CLDN1: variants seen among roughly 807,000 people sequenced by gnomAD.
The protein encoded by CLDN1 is claudin 1.
A neutral mutation model predicts 22.6 loss-of-function variants in CLDN1; 12 were observed. The ratio of observed to expected loss-of-function variants is 0.53; its 90% CI spans 0.34 to 0.86. The LOEUF (loss-of-function observed/expected upper bound fraction) is 0.86, where lower values mean the gene tolerates loss of function less well. CLDN1 is among the 40% of genes least tolerant of loss of function. The pLI is 0.02. For synonymous variants in CLDN1, 99 were observed against 103.8 expected, an observed-to-expected ratio of 0.95 and a Z score of 0.28; for missense variants, 250 against 269.5, an observed-to-expected ratio of 0.93 and a Z score of 0.51.
chr3:190,318,280 C>G (rs1347379986), intron 1 of CLDN1, among the ~76,000 whole-genome samples: 1 of 152,166 alleles, frequency 6.6e-6, no homozygotes, highest in Non-Finnish European at 1.5e-5. Context: ...GAAATTTTCT[C>G]AGAATTAAGT....
At chr3:190,313,262 T>C (rs1716675810) in intron 1 of CLDN1, 1 of 538,788 alleles carries the variant, frequency 1.9e-6, no homozygotes, top group Non-Finnish European at 3.3e-6. Context: ...TCCACTCCAA[T>C]ATTTTATGTT....
chr3:190,320,065 A>AGT lies in CLDN1; in HGVS notation c.223+1917_223+1918dup, dbSNP rs200480604. 3.5e-3 allele frequency among the ~76,000 whole-genome samples: 519 copies of AGT among 148,266 alleles called. 4 individuals carry two copies. Among genetic ancestry groups the AGT allele is most frequent in the African/African-American group, 0.013 (502 of 39,312 alleles). ...TAAAAAAATAGGAAGACATCTCTAA[A>AGT]GTGTGTGTGGGGGGGTAGGTATTTA... On this transcript the variant is annotated intron_variant, in intron 1 of 3. Coordinates refer to ENST00000295522, the MANE Select transcript of CLDN1 (RefSeq NM_021101.5).
chr3:190,308,470 CA>C, intron 3 of CLDN1, 31 bp from the exon 4 acceptor site: 1 of 1,609,826 alleles, frequency 6.2e-7, no homozygotes, highest in East Asian at 2.2e-5. Flanking sequence ...GCTTGTTAAT[CA>C]GTGAATTATT....
chr3:190,311,028 T>C (rs1716601637), intron 2 of CLDN1, among the ~76,000 whole-genome samples: 1 of 152,220 alleles, frequency 6.6e-6, no homozygotes, highest in Non-Finnish European at 1.5e-5. Flanking sequence ...ATAGATAGAT[T>C]AGATGTTTCT....
At chr3:190,309,591 G>T (rs950212857) in intron 3 of CLDN1, among the ~76,000 whole-genome samples, 8 of 152,190 alleles carry the variant, frequency 5.3e-5, no homozygotes, top group African/African-American at 1.9e-4. Flanking sequence ...CTAAGAATCA[G>T]CTCAACTTGC....
intron 1 of CLDN1, 105 bp downstream of exon 1, chr3:190,321,879 C>T (rs1356863481): frequency 1.2e-6 from 1 of 859,650 alleles, no homozygotes; most frequent in Non-Finnish European, 1.9e-6. Context: ...ACTTGATCAA[C>T]TGAAGACTGA....
rs572279616 is a variant in CLDN1, at chr3:190,306,605, C to G, written c.*1672G>C. On this transcript the variant is annotated 3_prime_UTR_variant, in exon 4 of 4. Coordinates refer to ENST00000295522, the MANE Select transcript of CLDN1 (RefSeq NM_021101.5). ...GCAATAAGCTTACAGCAGCCAAATGCCTTGCTCAAACACAGACGGTGATTG... is the reference window on the plus strand; with the variant it reads ...GCAATAAGCTTACAGCAGCCAAATGGCTTGCTCAAACACAGACGGTGATTG... The G allele has an allele frequency of 6.5e-6, 1 of 152,736 alleles. No homozygotes were observed. The highest frequency in any genetic ancestry group is 1.9e-4 in the East Asian group (1 of 5,172). The allele number at this position is 152,736 out of a possible 1,614,324, so 9.5% of individuals were successfully genotyped here.
rs774995834 is a variant in CLDN1, at chr3:190,312,963, G to T, written c.297C>A (p.Thr99=). Residue 99 remains threonine, a synonymous_variant, in exon 2 of 4, where the codon ACC becomes ACA. Transcript: ENST00000295522. ...LLGVIAIFVA[T]VGMKCMKCLE... is the part of the protein sequence containing the mutation. Reference sequence around the variant, plus strand: ...AGCACTTCATACACTTCATGCCAACGGTGGCCACAAAGATTGCTATCACTC... The same window carrying T: ...AGCACTTCATACACTTCATGCCAACTGTGGCCACAAAGATTGCTATCACTC... 2.5e-6 allele frequency: 4 copies of T among 1,614,092 alleles called. No homozygotes were observed. Among genetic ancestry groups the T allele is most frequent in the Non-Finnish European group, 2.5e-6 (3 of 1,180,002 alleles).
chr3:190,314,548 C>G (rs554457320), intron 1 of CLDN1, among the ~76,000 whole-genome samples: 1 of 146,718 alleles, frequency 6.8e-6, no homozygotes, highest in Non-Finnish European at 1.5e-5. Context: ...GCACGAACCA[C>G]CATGCCTGGC....
chr3:190,316,928 A>T lies in CLDN1; in HGVS notation c.224-3892T>A, dbSNP rs1248618945. Among the ~76,000 whole-genome samples the T allele has an allele frequency of 2.6e-5, 4 of 152,222 alleles. No individual in the cohort carries two copies. In the East Asian group the frequency reaches 7.7e-4, roughly 29 times the overall value. ...TTAGCTTAGGTCACTGATAACTAGA[A>T]ACTCATGCAGATAATACAAATTGTA... On this transcript the variant is annotated intron_variant, in intron 1 of 3. Coordinates refer to ENST00000295522, the MANE Select transcript of CLDN1 (RefSeq NM_021101.5).
chr3:190,312,305 T>C lies in CLDN1; in HGVS notation c.388+567A>G, dbSNP rs1396723101. Among the ~76,000 whole-genome samples the C allele has an allele frequency of 7.3e-5, 3 of 41,248 alleles. No homozygotes were observed. In the South Asian group the frequency reaches 1.7e-3, roughly 24 times the overall value. The allele number at this position is 41,248 out of a possible 152,430, so 27.1% of individuals were successfully genotyped here. On this transcript the variant is annotated intron_variant, in intron 2 of 3. Transcript: ENST00000295522. Reference sequence around the variant, plus strand: ...AAAAAATTTAAAGGTATTTCTGTATTTTTTTTTTCCTAACTGCTTTAAACT... The same window carrying C: ...AAAAAATTTAAAGGTATTTCTGTATCTTTTTTTTCCTAACTGCTTTAAACT...
intron 1 of CLDN1, among the ~76,000 whole-genome samples, chr3:190,313,747 G>T (rs61190518): frequency 6.6e-6 from 1 of 152,102 alleles, no homozygotes; most frequent in Non-Finnish European, 1.5e-5. Flanking sequence ...TTGTAAAATA[G>T]CACACACAAT....
intron 1 of CLDN1, among the ~76,000 whole-genome samples, chr3:190,313,508 A>C (rs1716680966): frequency 1.3e-5 from 2 of 152,238 alleles, no homozygotes; most frequent in Admixed American, 6.5e-5. Context: ...AATAAGCTTC[A>C]GAAAAACTGG....
chr3:190,319,182 C>T (rs41472149), intron 1 of CLDN1, among the ~76,000 whole-genome samples: 17,374 of 152,072 alleles, frequency 0.11, 1,171 homozygotes, highest in East Asian at 0.22. Context: ...AAAATTGGCG[C>T]GAGCTTCCTA....
At chr3:190,310,543 T>C (rs1716586117) in intron 2 of CLDN1, among the ~76,000 whole-genome samples, 1 of 152,182 alleles carries the variant, frequency 6.6e-6, no homozygotes, top group Non-Finnish European at 1.5e-5. Flanking sequence ...TTGTACAAAA[T>C]CTCTTTTAAA....
intron 1 of CLDN1, among the ~76,000 whole-genome samples, chr3:190,316,168 G>C (rs992032695): frequency 6.6e-6 from 1 of 152,092 alleles, no homozygotes. Flanking sequence ...AAAAGTAATG[G>C]AGAAAATGGA....
intron 1 of CLDN1, among the ~76,000 whole-genome samples, chr3:190,320,192 G>A (rs1716881999): frequency 6.6e-6 from 1 of 152,198 alleles, no homozygotes; most frequent in African/African-American, 2.4e-5. Context: ...ATCCATTTGA[G>A]TATTTACAAC....
chr3:190,309,370 G>A (rs909483711), intron 3 of CLDN1, among the ~76,000 whole-genome samples: 2 of 152,176 alleles, frequency 1.3e-5, no homozygotes, highest in African/African-American at 4.8e-5. Flanking sequence ...AACCATTGCA[G>A]TATGTGTTCT....
chr3:190,307,194 T>C lies in CLDN1; in HGVS notation c.*1083A>G, dbSNP rs545547199. 2.0e-5 allele frequency: 3 copies of C among 152,718 alleles called. No homozygotes were observed. In the East Asian group the frequency reaches 5.8e-4, roughly 29 times the overall value. The allele number at this position is 152,718 out of a possible 1,614,324, so 9.5% of individuals were successfully genotyped here. ...GACTTGCTTACAGCTACAGAGAGAA[T>C]ATTTGTCACCAGATTATCACTCCAG... On this transcript the variant is annotated 3_prime_UTR_variant, in exon 4 of 4. Transcript: ENST00000295522.
Sources: gnomAD v4.1 joint callset for allele counts (sites outside exome capture counted in the v4.1 genomes callset) on GRCh38, gnomAD v4.1.1 for gene constraint, MANE v1.5 for transcripts, NCBI Gene and HGNC (gene_info 2026-07-23, HGNC 2026-07-21) for gene names.